Variants in MPP2 observed in about 807,000 individuals in gnomAD.
MPP2 encodes the protein MAGUK p55 subfamily member 2.
MPP2 carries 42 observed loss-of-function variants against 58.5 expected under a neutral mutation model. The observed-to-expected ratio is 0.72, with a 90% CI of 0.56 to 0.93. The LOEUF (loss-of-function observed/expected upper bound fraction) is 0.93, where lower values mean the gene tolerates loss of function less well. Among genes scored for constraint, MPP2 ranks in the 40% least tolerant of loss-of-function variants. The pLI is 0.00. For synonymous variants in MPP2, 300 were observed against 307.8 expected (o/e 0.97, Z 0.26); for missense variants, 632 against 760.4 (o/e 0.83, Z 1.99).
chr17:43,898,247 C>A lies in MPP2; in HGVS notation c.150+15G>T, dbSNP rs779910775. 3.1e-6 allele frequency: 5 copies of A among 1,601,600 alleles called. No homozygotes were observed. The South Asian group carries it at 5.5e-5, about 18-fold the overall frequency. On this transcript the variant is annotated intron_variant, in intron 3 of 12. Transcript: ENST00000269095. ...AGCACAGTGCCCTTGTGCCCACCTC[C>A]CTGGAGCACTGTACCTTGGCCAGGG...
chr17:43,900,740 G>T (rs532086051), intron 2 of MPP2: 19 of 1,074,526 alleles, frequency 1.8e-5, no homozygotes, highest in Non-Finnish European at 2.3e-5. Flanking sequence ...GGCGCTGCGC[G>T]GTGCAGAGCA....
At chr17:43,907,876 C>G, upstream of MPP2, 1 of 985,442 alleles carries the variant, frequency 1.0e-6, no homozygotes, top group South Asian at 4.7e-5. Context: ...TTGGCTTAGA[C>G]CGGCGTTCTA....
At chr17:43,884,084 C>A (rs202014037) in intron 3 of MPP2, 79 of 702,436 alleles carry the variant, frequency 1.1e-4, no homozygotes, top group Non-Finnish European at 1.9e-4. Context: ...GCCACTTTAC[C>A]CCAAAGTATT....
Position 43,877,464 on chromosome 17 carries a change from A to G in MPP2, c.*343T>C, listed in dbSNP as rs1202632131. ...AGGGGTGGCAGGGGGCAGTGTGCCT[A>G]CTGACCATGTGGTCCCAAAGCAGCT... On this transcript the variant is annotated 3_prime_UTR_variant, in exon 13 of 13. Coordinates refer to ENST00000269095, the MANE Select transcript of MPP2 (RefSeq NM_005374.5). 1 of 205,612 alleles carries G rather than the reference A, an allele frequency of 4.9e-6. No homozygotes were observed. Among genetic ancestry groups the G allele is most frequent in the East Asian group, 1.1e-4 (1 of 9,092 alleles). 12.7% of individuals were successfully genotyped at this position (205,612 alleles called of 1,614,324 possible).
At chr17:43,883,095 C>T (rs542535861) in intron 4 of MPP2, 43 bp from the exon 5 acceptor site, 56 of 1,577,436 alleles carry the variant, frequency 3.6e-5, no homozygotes, top group South Asian at 1.1e-4. Context: ...GGCAGTGTCC[C>T]GGGTCTCTTC....
chr17:43,895,500 T>C (rs2047806916), intron 3 of MPP2, among the ~76,000 whole-genome samples: 1 of 152,208 alleles, frequency 6.6e-6, no homozygotes, highest in Non-Finnish European at 1.5e-5. Context: ...CAGGAGTTTG[T>C]TATTTTTTTA....
chr17:43,891,468 T>C (rs2047602868), intron 3 of MPP2, among the ~76,000 whole-genome samples: 2 of 151,670 alleles, frequency 1.3e-5, no homozygotes, highest in Non-Finnish European at 1.5e-5. Flanking sequence ...TGAGCCGAGA[T>C]TGCACCATTA....
rs942064371 is a variant in MPP2, at chr17:43,881,151, T to C, written c.927A>G (p.Leu309=). The change falls in exon 9 of 13, where the codon CTA becomes CTG. Residue 309 remains leucine, a synonymous_variant. Transcript: ENST00000269095. Reference sequence around the variant, plus strand: ...TTTTCTTTCCTGAAAGGCTGCCGCATAGGGTCCCTGGCCATAGGGAGATGG... The same window carrying C: ...TTTTCTTTCCTGAAAGGCTGCCGCACAGGGTCCCTGGCCATAGGGAGATGG... ...DLELTPNSGT[L]CGSLSGKKKK... is the part of the protein sequence containing the mutation. 2.5e-5 allele frequency: 40 copies of C among 1,613,788 alleles called. 2 individuals are homozygous for C.
intron 3 of MPP2, among the ~76,000 whole-genome samples, chr17:43,885,010 T>C (rs2047306998): frequency 6.6e-6 from 1 of 150,838 alleles, no homozygotes; most frequent in Non-Finnish European, 1.5e-5. Flanking sequence ...TAATCCCAGC[T>C]ACTCAGGAGG....
At position 43,904,420 on chromosome 17, in the gene MPP2, C is replaced by T; in HGVS notation, c.31+10G>A. 6.2e-7 allele frequency: 1 copy of T among 1,613,794 alleles called. No individual in the cohort carries two copies. Among genetic ancestry groups the T allele is most frequent in the Non-Finnish European group, 8.5e-7 (1 of 1,179,750 alleles). On this transcript the variant is annotated intron_variant, in intron 2 of 12. Coordinates refer to ENST00000269095, the MANE Select transcript of MPP2 (RefSeq NM_005374.5). Reference sequence around the variant, plus strand: ...ACTGAAATAAGCTAACATCCTCACCCCCTTCTTACCAGTTTCAGAGTTGGT... The same window carrying T: ...ACTGAAATAAGCTAACATCCTCACCTCCTTCTTACCAGTTTCAGAGTTGGT...
intron 2 of MPP2, chr17:43,900,570 G>T (rs2048049864): frequency 1.3e-6 from 2 of 1,539,722 alleles, no homozygotes; most frequent in South Asian, 1.2e-5. Flanking sequence ...CCCAGACCCG[G>T]GGACTCCCGG....
In MPP2 at chr17:43,882,515, G is replaced by C. The variant is rs748253927; in HGVS notation, c.454-4C>G. ...CCTCCACGCGGAACGTTACACCCTG[G>C]AGGTCAGAGGGAGTGTAAGATGAGG... On this transcript the variant is annotated splice_polypyrimidine_tract_variant and splice_region_variant and intron_variant, in intron 5 of 12. Transcript: ENST00000269095. 1 of 1,602,150 alleles carries C rather than the reference G, an allele frequency of 6.2e-7. No individual in the cohort carries two copies. The highest frequency in any genetic ancestry group is 8.5e-7 in the Non-Finnish European group (1 of 1,179,676).
At chr17:43,889,680 AGT>A (rs2047517588) in intron 3 of MPP2, among the ~76,000 whole-genome samples, 1 of 151,630 alleles carries the variant, frequency 6.6e-6, no homozygotes, top group South Asian at 2.1e-4. Flanking sequence ...ATCTTGATTT[AGT>A]GTGTTTGTCA....
At chr17:43,881,963 G>A (rs2047145681) in intron 6 of MPP2, among the ~76,000 whole-genome samples, 1 of 152,188 alleles carries the variant, frequency 6.6e-6, no homozygotes. Flanking sequence ...CCAGGAGACA[G>A]CTATCCAGGA....
intron 3 of MPP2, among the ~76,000 whole-genome samples, chr17:43,893,492 C>T (rs1249840005): frequency 1.3e-5 from 2 of 152,198 alleles, no homozygotes; most frequent in Non-Finnish European, 2.9e-5. Context: ...CAGCTCTATT[C>T]ATATATTAGA....
chr17:43,904,948 G>A (rs2048232643), intron 1 of MPP2, among the ~76,000 whole-genome samples: 1 of 152,190 alleles, frequency 6.6e-6, no homozygotes, highest in Non-Finnish European at 1.5e-5. Context: ...GGCTGAGGCA[G>A]GAGAATCACC....
chr17:43,909,435 C>T (rs933562695), upstream of MPP2: 10 of 608,320 alleles, frequency 1.6e-5, no homozygotes, highest in South Asian at 4.3e-5. Context: ...TCCACTGTCA[C>T]CTGTCCACCT....
Position 43,879,390 on chromosome 17 carries a change from A to G in MPP2, c.1367T>C (p.Leu456Pro). ...LDVNPQAVKVLRTAEFVPYVV... is the reference protein window; with the variant it reads ...LDVNPQAVKVPRTAEFVPYVV... ...GTAAGGGACAAACTCGGCCGTTCGT[A>G]GCACCTTCACCGCCTGCAGAAGGAG... The change falls in exon 12 of 13, where the codon CTA becomes CCA. Residue 456 changes from leucine to proline, a missense_variant. Leu to Pro is a moderately conservative substitution (Grantham distance 98, BLOSUM62 -3). Coordinates refer to ENST00000269095, the MANE Select transcript of MPP2 (RefSeq NM_005374.5). The surrounding 1 kb of genome is among the most constrained non-coding windows in gnomAD (Gnocchi z 4.1). 3 of 1,614,166 alleles carry G rather than the reference A, an allele frequency of 1.9e-6. No individual in the cohort carries two copies. Among genetic ancestry groups the G allele is most frequent in the Non-Finnish European group, 2.5e-6 (3 of 1,179,998 alleles).
intron 3 of MPP2, 52 bp downstream of exon 3, chr17:43,898,210 T>C: frequency 5.0e-6 from 7 of 1,387,296 alleles, no homozygotes; most frequent in Non-Finnish European, 7.2e-6. Flanking sequence ...CATCCCCTAC[T>C]GTGCCTCCCC....
Sources: gnomAD v4.1 joint callset for allele counts (sites outside exome capture counted in the v4.1 genomes callset) on GRCh38, gnomAD v4.1.1 for gene constraint, Gnocchi (gnomAD v3.1) non-coding constraint, MANE v1.5 for transcripts, NCBI Gene and HGNC (gene_info 2026-07-23, HGNC 2026-07-21) for gene names.